GRK5: variants seen among roughly 807,000 people sequenced by gnomAD.
GRK5 encodes the protein G protein-coupled receptor kinase 5, also known as g protein-coupled receptor kinase GRK5.
A neutral mutation model predicts 78.4 loss-of-function variants in GRK5; 40 were observed. That is an observed-to-expected ratio of 0.51 (90% CI 0.40 to 0.66). The LOEUF (loss-of-function observed/expected upper bound fraction) is 0.66. Among genes scored for constraint, GRK5 ranks in the 30% least tolerant of loss-of-function variants. GRK5 has a pLI of 0.00. For missense variants in GRK5, 598 were observed against 759.9 expected, an observed-to-expected ratio of 0.79 and a Z score of 2.50; for synonymous variants, 289 against 296.8, an observed-to-expected ratio of 0.97 and a Z score of 0.27.
chr10:119,261,012 G>C (rs1316599289), intron 1 of GRK5, among the ~76,000 whole-genome samples: 1 of 146,926 alleles, frequency 6.8e-6, no homozygotes, highest in African/African-American at 2.5e-5. Flanking sequence ...CCTCCCGGAC[G>C]GGGCGGCTGG....
chr10:119,344,156 AT>A (rs573443475), intron 2 of GRK5, among the ~76,000 whole-genome samples: 4 of 142,462 alleles, frequency 2.8e-5, no homozygotes, highest in Non-Finnish European at 4.6e-5. Context: ...ATTTTATTTT[AT>A]TTTTTTTCAG....
rs1850816858 is a variant in GRK5, at chr10:119,333,377, T to A, written c.148+6766T>A. 4 of 185,342 alleles carry A rather than the reference T, an allele frequency of 2.2e-5. No individual in the cohort carries two copies. In the Admixed American group the frequency reaches 2.3e-4, roughly 10 times the overall value. 11.5% of individuals were successfully genotyped at this position (185,342 alleles called of 1,614,324 possible). A position where few individuals can be genotyped will look rare whatever the true frequency, so the allele number is the denominator to read the frequency against. On this transcript the variant is annotated intron_variant, in intron 2 of 15. Coordinates refer to ENST00000392870, the MANE Select transcript of GRK5 (RefSeq NM_005308.3). ...CCACTAAGTGGGGAGGGGAAGCTGG[T>A]GGCTCCTGGGGCAGGTTGGTTTCCT...
At chr10:119,383,369 C>G (rs113733362) in intron 3 of GRK5, among the ~76,000 whole-genome samples, 128 of 152,310 alleles carry the variant, frequency 8.4e-4, no homozygotes, top group African/African-American at 2.8e-3. Flanking sequence ...GGTTGTCTTT[C>G]TTTTTGAAAT....
Position 119,277,260 on chromosome 10 carries a change from T to C in GRK5, c.53-49256T>C, listed in dbSNP as rs146962528. On this transcript the variant is annotated intron_variant, in intron 1 of 15. Transcript: ENST00000392870. ...AGAGCCCACAGACCACCATGCTGGG[T>C]GGAGGCACCCAACACCTGGCTGACT... Among the ~76,000 whole-genome samples, 204 of 151,886 alleles carry C rather than the reference T, an allele frequency of 1.3e-3. 2 individuals are homozygous for C. Among genetic ancestry groups the C allele is most frequent in the African/African-American group, 4.6e-3 (189 of 41,398 alleles).
At chr10:119,254,910 C>T (rs1334040075) in intron 1 of GRK5, among the ~76,000 whole-genome samples, 1 of 151,942 alleles carries the variant, frequency 6.6e-6, no homozygotes, top group African/African-American at 2.4e-5. Context: ...CAAAAGTTAG[C>T]TGGGCATGTT....
chr10:119,268,834 T>C (rs1259526374), intron 1 of GRK5, among the ~76,000 whole-genome samples: 1 of 152,212 alleles, frequency 6.6e-6, no homozygotes, highest in Non-Finnish European at 1.5e-5. Flanking sequence ...TGGCCCTGTC[T>C]CCAGGCCTTG....
intron 2 of GRK5, among the ~76,000 whole-genome samples, chr10:119,371,741 A>C (rs542951880): frequency 6.6e-6 from 1 of 152,306 alleles, no homozygotes; most frequent in Non-Finnish European, 1.5e-5. Flanking sequence ...GCTACCTCCT[A>C]TCTCCTTTCT....
chr10:119,337,777 G>A (rs1850916855), intron 2 of GRK5, among the ~76,000 whole-genome samples: 1 of 152,040 alleles, frequency 6.6e-6, no homozygotes, highest in South Asian at 2.1e-4. Context: ...CCGCCACTGT[G>A]CCCGGCTAAT....
chr10:119,404,403 C>G (rs1852200604), intron 4 of GRK5, among the ~76,000 whole-genome samples: 1 of 152,186 alleles, frequency 6.6e-6, no homozygotes, highest in African/African-American at 2.4e-5. Context: ...TTCATATGTT[C>G]AGGATACAAG....
At chr10:119,449,528 C>T (rs1025004514) in intron 13 of GRK5, among the ~76,000 whole-genome samples, 15 of 152,112 alleles carry the variant, frequency 9.9e-5, no homozygotes, top group Admixed American at 8.5e-4. Context: ...AGGCCGGGCA[C>T]GGTGGCTCAT....
intron 2 of GRK5, among the ~76,000 whole-genome samples, chr10:119,354,818 A>G (rs1168839942): frequency 2.0e-5 from 3 of 152,206 alleles, no homozygotes; most frequent in Non-Finnish European, 4.4e-5. Flanking sequence ...TTGAAAATAC[A>G]GTATTCAAGG....
chr10:119,424,938 C>G (rs917444898), intron 5 of GRK5, 55 bp from the exon 6 acceptor site: 19 of 1,266,654 alleles, frequency 1.5e-5, no homozygotes, highest in Middle Eastern at 1.8e-4. Flanking sequence ...GCTTTGCCCC[C>G]CTGCTTGAAG....
intron 2 of GRK5, among the ~76,000 whole-genome samples, chr10:119,363,894 C>T (rs1851403620): frequency 6.6e-6 from 1 of 152,172 alleles, no homozygotes; most frequent in African/African-American, 2.4e-5. Flanking sequence ...ACATGATGAA[C>T]AGCTATTGGG....
chr10:119,427,120 T>TATCACTGCCATCATCAGC lies in GRK5; in HGVS notation c.533+2044_533+2061dup, dbSNP rs1852699989. 2.1e-5 allele frequency among the ~76,000 whole-genome samples: 3 copies of TATCACTGCCATCATCAGC among 142,688 alleles called. No homozygotes were observed. In the South Asian group the frequency reaches 6.9e-4, roughly 33 times the overall value. The allele number at this position is 142,688 out of a possible 152,430, so 93.6% of individuals were successfully genotyped here. On this transcript the variant is annotated intron_variant, in intron 6 of 15. Coordinates refer to ENST00000392870, the MANE Select transcript of GRK5 (RefSeq NM_005308.3). ...TCATCAGCATCACTGCTATCATCAGTATCACTGCCATCATCAGCATCACTG... is the reference window on the plus strand; with the variant it reads ...TCATCAGCATCACTGCTATCATCAGTATCACTGCCATCATCAGCATCACTGCCATCATCAGCATCACTG...
intron 1 of GRK5, among the ~76,000 whole-genome samples, chr10:119,265,755 T>C (rs576767896): frequency 6.6e-6 from 1 of 152,352 alleles, no homozygotes; most frequent in African/African-American, 2.4e-5. Context: ...GAAGGGCGTA[T>C]GCATATTTCC....
rs183946415 is a variant in GRK5 at position 119,361,910 on chromosome 10, G to A, written c.149-18905G>A. Reference sequence around the variant, plus strand: ...TGGGAGGTGGAGGTTGCAGTGAGCCGAGGTCGCACCACTGCACTCCAGCCT... The same window carrying A: ...TGGGAGGTGGAGGTTGCAGTGAGCCAAGGTCGCACCACTGCACTCCAGCCT... On this transcript the variant is annotated intron_variant, in intron 2 of 15. Coordinates refer to ENST00000392870, the MANE Select transcript of GRK5 (RefSeq NM_005308.3). 5.0e-3 allele frequency among the ~76,000 whole-genome samples: 738 copies of A among 148,880 alleles called. 7 individuals are homozygous for A. Among genetic ancestry groups the A allele is most frequent in the South Asian group, 0.034 (160 of 4,680 alleles).
chr10:119,274,902 C>A (rs1351502693), intron 1 of GRK5, among the ~76,000 whole-genome samples: 1 of 152,194 alleles, frequency 6.6e-6, no homozygotes, highest in Non-Finnish European at 1.5e-5. Flanking sequence ...AGTTGCTGTG[C>A]AAACAAAGAC....
At chr10:119,409,079 A>G (rs1433077284) in intron 4 of GRK5, among the ~76,000 whole-genome samples, 1 of 152,244 alleles carries the variant, frequency 6.6e-6, no homozygotes, top group Non-Finnish European at 1.5e-5. Flanking sequence ...GCTGACGTCC[A>G]GAGGCTGTGC....
At chr10:119,339,833 T>C (rs11198887) in intron 2 of GRK5, among the ~76,000 whole-genome samples, 1,920 of 152,172 alleles carry the variant, frequency 0.013, 114 homozygotes, top group Admixed American at 0.093. Context: ...AGGCAGAGGT[T>C]GCAGTGAGCT....
Sources: allele counts gnomAD v4.1 joint callset (sites outside exome capture counted in the v4.1 genomes callset), GRCh38; gene constraint gnomAD v4.1.1; transcripts MANE v1.5; gene names NCBI Gene and HGNC (gene_info 2026-07-23, HGNC 2026-07-21).